SPPL3: variants seen among roughly 807,000 people sequenced by gnomAD.
SPPL3 encodes the protein signal peptide peptidase like 3, also known as signal peptide peptidase-like 3.
In SPPL3, 5 loss-of-function variants were observed where a neutral mutation model predicts 42.4. The observed-to-expected ratio is 0.12, with a 90% CI of 0.06 to 0.25. The LOEUF (loss-of-function observed/expected upper bound fraction) is 0.25, where lower values mean the gene tolerates loss of function less well. SPPL3 is among the 10% of genes least tolerant of loss of function. SPPL3 has a pLI of 1.00. For missense variants in SPPL3, 235 were observed against 489.0 expected (o/e 0.48, Z 4.90); for synonymous variants, 195 against 181.8 (o/e 1.07, Z -0.58).
intron 1 of SPPL3, among the ~76,000 whole-genome samples, chr12:120,820,469 C>T (rs1424815320): frequency 6.6e-6 from 1 of 151,996 alleles, no homozygotes; most frequent in African/African-American, 2.4e-5. Context: ...GCGCCTGCCA[C>T]CACATCCGGC....
At chr12:120,767,686 A>G in intron 8 of SPPL3, 93 bp from the exon 9 acceptor site, 1 of 1,295,580 alleles carries the variant, frequency 7.7e-7, no homozygotes, top group Non-Finnish European at 1.1e-6. Flanking sequence ...TAAGGAGTCA[A>G]AGAGCTTATC....
At chr12:120,833,346 AG>A (rs1472943438) in intron 1 of SPPL3, among the ~76,000 whole-genome samples, 1 of 152,228 alleles carries the variant, frequency 6.6e-6, no homozygotes, top group Non-Finnish European at 1.5e-5. Context: ...TGACTGTGGC[AG>A]GCCTTAAAAA....
chr12:120,891,590 T>C (rs1322657584), intron 1 of SPPL3, among the ~76,000 whole-genome samples: 1 of 152,192 alleles, frequency 6.6e-6, no homozygotes, highest in Non-Finnish European at 1.5e-5. Flanking sequence ...TATGAATTCC[T>C]GAAATAGTAG....
intron 2 of SPPL3, among the ~76,000 whole-genome samples, chr12:120,795,329 T>G (rs949939775): frequency 6.6e-6 from 1 of 152,234 alleles, no homozygotes; most frequent in East Asian, 1.9e-4. Flanking sequence ...TTAACTCCCT[T>G]GTGTAAATAC....
chr12:120,796,498 T>C (rs544428903), intron 2 of SPPL3, among the ~76,000 whole-genome samples: 8 of 152,244 alleles, frequency 5.3e-5, no homozygotes, highest in Non-Finnish European at 1.0e-4. Flanking sequence ...TCAGTTTTGA[T>C]TGACTGATTA....
chr12:120,871,313 G>A (rs1167832835), intron 1 of SPPL3, among the ~76,000 whole-genome samples: 1 of 152,016 alleles, frequency 6.6e-6, no homozygotes, highest in Non-Finnish European at 1.5e-5. Context: ...AGCTGGCAAA[G>A]TAGAAAGCAG....
chr12:120,830,606 A>AGAGAG (rs377406347), intron 1 of SPPL3, among the ~76,000 whole-genome samples: 24 of 124,610 alleles, frequency 1.9e-4, no homozygotes, highest in Middle Eastern at 4.3e-3. Context: ...AGAGAGAGAG[A>AGAGAG]AGGTGTACAT....
At chr12:120,828,062 A>G (rs1241718298) in intron 1 of SPPL3, among the ~76,000 whole-genome samples, 3 of 152,242 alleles carry the variant, frequency 2.0e-5, no homozygotes, top group African/African-American at 4.8e-5. Context: ...TGTTGGGATT[A>G]CAGGCATGAG....
intron 1 of SPPL3, among the ~76,000 whole-genome samples, chr12:120,879,302 C>A (rs974002902): frequency 6.6e-6 from 1 of 151,980 alleles, no homozygotes; most frequent in Non-Finnish European, 1.5e-5. Context: ...TCATCTCCCC[C>A]GCTCCAAAAG....
chr12:120,811,100 A>C, intron 1 of SPPL3: 1 of 391,736 alleles, frequency 2.6e-6, no homozygotes, highest in Non-Finnish European at 4.5e-6. Context: ...TATTATTAGT[A>C]AATATTTACG....
intron 1 of SPPL3, among the ~76,000 whole-genome samples, chr12:120,871,918 T>C (rs1872945090): frequency 6.6e-6 from 1 of 152,188 alleles, no homozygotes; most frequent in African/African-American, 2.4e-5. Context: ...CCAGAAGTGT[T>C]TGGATCTGGG....
chr12:120,884,784 A>C (rs1873397757), intron 1 of SPPL3, among the ~76,000 whole-genome samples: 1 of 141,708 alleles, frequency 7.1e-6, no homozygotes, highest in African/African-American at 2.5e-5. Context: ...TTATGGCTAG[A>C]GTTTTTTTGG....
intron 2 of SPPL3, among the ~76,000 whole-genome samples, chr12:120,800,670 C>G (rs1283298854): frequency 6.6e-6 from 1 of 151,750 alleles, no homozygotes; most frequent in Non-Finnish European, 1.5e-5. Flanking sequence ...GTCTTTTCAT[C>G]AACTATGACT....
chr12:120,844,565 T>C (rs1871954083), intron 1 of SPPL3, among the ~76,000 whole-genome samples: 1 of 152,178 alleles, frequency 6.6e-6, no homozygotes, highest in African/African-American at 2.4e-5. Flanking sequence ...TGCCCTTTGA[T>C]TTCTCAATAC....
At chr12:120,830,982 T>A (rs1032093118) in intron 1 of SPPL3, among the ~76,000 whole-genome samples, 5 of 152,032 alleles carry the variant, frequency 3.3e-5, no homozygotes, top group Non-Finnish European at 5.9e-5. Context: ...GGGAACTGAG[T>A]TCAGCAGATG....
chr12:120,779,353 C>A (rs1430418824), intron 6 of SPPL3, among the ~76,000 whole-genome samples: 1 of 152,138 alleles, frequency 6.6e-6, no homozygotes, highest in African/African-American at 2.4e-5. Flanking sequence ...GAGGAGCCTC[C>A]CAGACCTGGC....
At chr12:120,790,833 T>TA in intron 3 of SPPL3, among the ~76,000 whole-genome samples, 1 of 150,916 alleles carries the variant, frequency 6.6e-6, no homozygotes, top group Admixed American at 6.6e-5. Context: ...GCACTTTTTT[T>TA]TTTTTTGAGA....
At chr12:120,894,901 C>T (rs1032730739) in intron 1 of SPPL3, among the ~76,000 whole-genome samples, 10 of 151,820 alleles carry the variant, frequency 6.6e-5, no homozygotes, top group Admixed American at 1.3e-4. Flanking sequence ...GAGCTGAGAT[C>T]GTGCCACCGC....
intron 1 of SPPL3, among the ~76,000 whole-genome samples, chr12:120,841,351 T>A (rs1384823961): frequency 6.6e-6 from 1 of 152,088 alleles, no homozygotes; most frequent in Non-Finnish European, 1.5e-5. Context: ...CAATGAGATA[T>A]ACAATACTTT....
Sources: allele counts gnomAD v4.1 joint callset (sites outside exome capture counted in the v4.1 genomes callset), GRCh38; gene constraint gnomAD v4.1.1; transcripts MANE v1.5; gene names NCBI Gene and HGNC (gene_info 2026-07-23, HGNC 2026-07-21).